KIRREL3: variants seen among roughly 807,000 people sequenced by gnomAD.
The protein encoded by KIRREL3 is kin of IRRE-like protein 3.
KIRREL3 carries 36 observed loss-of-function variants against 89.7 expected under a neutral mutation model. That is an observed-to-expected ratio of 0.40 (90% confidence interval 0.31 to 0.53). The LOEUF is 0.53. KIRREL3 is among the 20% of genes least tolerant of loss of function. KIRREL3 has a pLI of 0.49. For missense variants in KIRREL3, 864 were observed against 1,056.6 expected (o/e 0.82, Z 2.53); for synonymous variants, 445 against 441.4 (o/e 1.01, Z -0.10).
At chr11:126,593,234 T>C (rs1163206377) in intron 1 of KIRREL3, among the ~76,000 whole-genome samples, 1 of 152,216 alleles carries the variant, frequency 6.6e-6, no homozygotes. Context: ...CATCCTGTAA[T>C]TGACTGACTC....
At chr11:126,502,741 C>T (rs942965557) in intron 4 of KIRREL3, among the ~76,000 whole-genome samples, 4 of 152,234 alleles carry the variant, frequency 2.6e-5, no homozygotes, top group African/African-American at 9.6e-5. Flanking sequence ...GCTTCTGGCT[C>T]TCCGATTTGC....
At position 126,474,859 on chromosome 11, in the gene KIRREL3, C is replaced by G. The variant is rs1362528845; in HGVS notation, c.434-1393G>C. ...GGAGAGGCCCAGAAATCTGAAGTAC[C>G]TTGCCTAGGACACAGGGCCTTTCCC... On this transcript the variant is annotated intron_variant, in intron 4 of 16. Coordinates refer to ENST00000525144, the MANE Select transcript of KIRREL3 (RefSeq NM_032531.4). The surrounding 1 kb of genome is among the most constrained non-coding windows in gnomAD (Gnocchi z 6.7). 6.6e-6 allele frequency among the ~76,000 whole-genome samples: 1 copy of G among 152,208 alleles called. No individual in the cohort carries two copies. Among genetic ancestry groups the G allele is most frequent in the Non-Finnish European group, 1.5e-5 (1 of 68,036 alleles).
chr11:126,556,305 C>T (rs1939702251), intron 2 of KIRREL3, among the ~76,000 whole-genome samples: 1 of 151,920 alleles, frequency 6.6e-6, no homozygotes. Context: ...ATCCCTAGGA[C>T]TTGCTGAGGA....
Position 126,497,154 on chromosome 11 carries a change from G to C in KIRREL3, c.434-23688C>G, listed in dbSNP as rs146909840. ...TGTGACAGAGAGAGAGCGAGAGAGT[G>C]TGAGAGTGTGCATGTGTAAGAGAGT... On this transcript the variant is annotated intron_variant, in intron 4 of 16. Coordinates refer to ENST00000525144, the MANE Select transcript of KIRREL3 (RefSeq NM_032531.4). Among the ~76,000 whole-genome samples, 33 of 152,014 alleles carry C rather than the reference G, an allele frequency of 2.2e-4. No individual in the cohort carries two copies. The East Asian group carries it at 6.4e-3, about 29-fold the overall frequency.
intron 1 of KIRREL3, among the ~76,000 whole-genome samples, chr11:126,934,015 A>T (rs940126526): frequency 2.3e-5 from 3 of 127,850 alleles, no homozygotes; most frequent in Non-Finnish European, 5.1e-5. Context: ...AAAAAAAAAA[A>T]TGCAAAAGAA....
chr11:126,781,143 CTA>C (rs2092688883), intron 1 of KIRREL3, among the ~76,000 whole-genome samples: 1 of 152,132 alleles, frequency 6.6e-6, no homozygotes, highest in East Asian at 1.9e-4. Flanking sequence ...GGTTCTTAGT[CTA>C]TGTCTGCAAG....
intron 1 of KIRREL3, among the ~76,000 whole-genome samples, chr11:126,982,016 CT>C (rs2135249525): frequency 6.6e-6 from 1 of 152,282 alleles, no homozygotes; most frequent in Non-Finnish European, 1.5e-5. Flanking sequence ...AGGGGAAGCT[CT>C]GCATAATGGG....
intron 4 of KIRREL3, among the ~76,000 whole-genome samples, chr11:126,506,424 A>C (rs1157894636): frequency 6.6e-6 from 1 of 152,270 alleles, no homozygotes; most frequent in Non-Finnish European, 1.5e-5. Context: ...GATTCTATTT[A>C]AAAATAGGCA....
intron 1 of KIRREL3, among the ~76,000 whole-genome samples, chr11:126,786,199 G>A (rs1950483882): frequency 6.6e-6 from 1 of 152,100 alleles, no homozygotes; most frequent in Non-Finnish European, 1.5e-5. Context: ...AATTGCATAT[G>A]ATAACTATGC....
At chr11:126,629,382 G>T (rs1025073886) in intron 1 of KIRREL3, among the ~76,000 whole-genome samples, 4 of 152,056 alleles carry the variant, frequency 2.6e-5, no homozygotes, top group Non-Finnish European at 5.9e-5. Context: ...GTGAAGCTCT[G>T]GGGGGAGCTC....
intron 13 of KIRREL3, among the ~76,000 whole-genome samples, chr11:126,433,933 G>A (rs1591524436): frequency 6.6e-6 from 1 of 152,234 alleles, no homozygotes; most frequent in Non-Finnish European, 1.5e-5. Flanking sequence ...GGTGCCTTCC[G>A]ATCCTGGGAT....
chr11:126,536,963 C>A (rs547063724), intron 2 of KIRREL3, among the ~76,000 whole-genome samples: 1 of 152,186 alleles, frequency 6.6e-6, no homozygotes, highest in South Asian at 2.1e-4. Flanking sequence ...AGTTCTCTTT[C>A]CATCCATGCT....
At chr11:126,941,136 G>A (rs1948429279) in intron 1 of KIRREL3, among the ~76,000 whole-genome samples, 1 of 151,936 alleles carries the variant, frequency 6.6e-6, no homozygotes, top group Non-Finnish European at 1.5e-5. Flanking sequence ...GGTAATTATT[G>A]AAAATTTCAT....
chr11:126,812,461 G>A lies in KIRREL3; in HGVS notation c.55+187994C>T, dbSNP rs1951422940. On this transcript the variant is annotated intron_variant, in intron 1 of 16. Coordinates refer to ENST00000525144, the MANE Select transcript of KIRREL3 (RefSeq NM_032531.4). The surrounding 1 kb of genome is among the most constrained non-coding windows in gnomAD (Gnocchi z 5.2). ...TTAATATTGTCCACTGAACAGAATG[G>A]TGAACCCTGAGCATCTTTCCCATGA... Among the ~76,000 whole-genome samples the A allele has an allele frequency of 6.6e-6, 1 of 152,150 alleles. No individual in the cohort carries two copies. The highest frequency in any genetic ancestry group is 2.4e-5 in the African/African-American group (1 of 41,428).
intron 1 of KIRREL3, among the ~76,000 whole-genome samples, chr11:126,675,508 G>A (rs1946148624): frequency 6.6e-6 from 1 of 152,204 alleles, no homozygotes; most frequent in African/African-American, 2.4e-5. Flanking sequence ...GTTATGATAG[G>A]ATTGAAACCT....
Position 126,788,801 on chromosome 11 carries a change from G to A in KIRREL3, c.55+211654C>T, listed in dbSNP as rs767679507. On this transcript the variant is annotated intron_variant, in intron 1 of 16. Transcript: ENST00000525144. This position sits in a 1 kb window ranked among gnomAD's most constrained non-coding sequence, Gnocchi z 4.1. ...TGCATGTTGTATTATCCGCATCATAGGGCAAGGAGAGAGAAATAATAGACT... is the reference window on the plus strand; with the variant it reads ...TGCATGTTGTATTATCCGCATCATAAGGCAAGGAGAGAGAAATAATAGACT... 2.0e-5 allele frequency among the ~76,000 whole-genome samples: 3 copies of A among 152,160 alleles called. No homozygotes were observed. Among genetic ancestry groups the A allele is most frequent in the Non-Finnish European group, 2.9e-5 (2 of 68,024 alleles).
Position 126,668,202 on chromosome 11 carries a change from G to A in KIRREL3, c.56-105290C>T, listed in dbSNP as rs770777101. Among the ~76,000 whole-genome samples the A allele has an allele frequency of 6.6e-6, 1 of 152,112 alleles. No homozygotes were observed. Among genetic ancestry groups the A allele is most frequent in the Non-Finnish European group, 1.5e-5 (1 of 68,012 alleles). On this transcript the variant is annotated intron_variant, in intron 1 of 16. Transcript: ENST00000525144. The surrounding 1 kb of genome is among the most constrained non-coding windows in gnomAD (Gnocchi z 4.4). ...GATGGCAGATTTGGTGACTGGTGAG[G>A]GCTGGCTTCTTCATAGGCAGTGCCT...
chr11:126,673,898 G>A (rs968586172), intron 1 of KIRREL3, among the ~76,000 whole-genome samples: 43 of 152,222 alleles, frequency 2.8e-4, no homozygotes, highest in African/African-American at 9.4e-4. Context: ...TTCTCCCTCT[G>A]TACGGAGCTC....
intron 1 of KIRREL3, among the ~76,000 whole-genome samples, chr11:126,613,497 C>G (rs989920936): frequency 2.6e-5 from 4 of 152,124 alleles, no homozygotes; most frequent in Admixed American, 1.3e-4. Flanking sequence ...GCAATTACCT[C>G]CCCCTGCTTG....
Sources: gnomAD v4.1 joint callset for allele counts (sites outside exome capture counted in the v4.1 genomes callset) on GRCh38, gnomAD v4.1.1 for gene constraint, Gnocchi (gnomAD v3.1) non-coding constraint, MANE v1.5 for transcripts, NCBI Gene and HGNC (gene_info 2026-07-23, HGNC 2026-07-21) for gene names.